Variants in DMD observed in about 807,000 individuals in gnomAD.
DMD encodes dystrophin.
Under a neutral mutation model 330.1 loss-of-function variants are expected in DMD, and 63 were observed. That is an observed-to-expected ratio of 0.19 (90% confidence interval 0.16 to 0.24). The LOEUF (loss-of-function observed/expected upper bound fraction) is 0.24, where lower values mean the gene tolerates loss of function less well. Ranked by LOEUF, DMD falls within the 10% of genes least tolerant of loss-of-function variation. The pLI is 1.00. For missense variants in DMD, 3,344 were observed against 2,684.1 expected, an observed-to-expected ratio of 1.25 and a Z score of -5.43; for synonymous variants, 1,223 against 959.8, an observed-to-expected ratio of 1.27 and a Z score of -5.07.
chrX:31,585,549 G>A (rs1194958267), intron 55 of DMD, among the ~76,000 whole-genome samples: 1 of 101,826 alleles, frequency 9.8e-6, no homozygotes, highest in Non-Finnish European at 2.0e-5. Flanking sequence ...CAACCACAAA[G>A]CTAACCTCAG....
At chrX:31,627,928 TAA>T (rs2078933647) in intron 54 of DMD, 66 bp from the exon 55 acceptor site, 6 of 1,049,566 alleles carry the variant, frequency 5.7e-6, no homozygotes, top group Non-Finnish European at 7.9e-6. Context: ...GTGAACTCCA[TAA>T]AAAGAGAAAG....
chrX:31,562,155 AAAT>A (rs1290429511), intron 55 of DMD, among the ~76,000 whole-genome samples: 2 of 112,419 alleles, frequency 1.8e-5, no homozygotes, highest in Admixed American at 9.4e-5. Context: ...TAACTAGACT[AAAT>A]AATAATTCAT....
intron 62 of DMD, among the ~76,000 whole-genome samples, chrX:31,278,505 C>G (rs1034475007): frequency 1.8e-5 from 2 of 111,261 alleles, no homozygotes; most frequent in East Asian, 2.8e-4. Flanking sequence ...GCCAGCTGTT[C>G]GTTTGGGTGG....
intron 44 of DMD, among the ~76,000 whole-genome samples, chrX:32,163,322 A>G (rs1356007006): frequency 9.0e-6 from 1 of 111,062 alleles, no homozygotes; most frequent in East Asian, 2.8e-4. Context: ...TATTGCAATG[A>G]CTCCCTCTGC....
intron 2 of DMD, among the ~76,000 whole-genome samples, chrX:32,996,363 T>C (rs1010313642): frequency 5.4e-5 from 6 of 111,869 alleles, no homozygotes; most frequent in Non-Finnish European, 1.1e-4. Flanking sequence ...AAAAGTAATA[T>C]AGTACACATT....
chrX:32,918,407 G>A (rs2088059700), intron 2 of DMD, among the ~76,000 whole-genome samples: 1 of 111,484 alleles, frequency 9.0e-6, no homozygotes, highest in South Asian at 3.8e-4. Flanking sequence ...AGATGGTGCA[G>A]TGGTGTGATC....
intron 44 of DMD, among the ~76,000 whole-genome samples, chrX:32,109,210 A>G (rs991271866): frequency 2.7e-5 from 3 of 111,241 alleles, no homozygotes; most frequent in African/African-American, 6.5e-5. Context: ...TCTACACTCA[A>G]TCTATCTGAG....
intron 74 of DMD, among the ~76,000 whole-genome samples, chrX:31,156,176 C>A (rs762821259): frequency 9.0e-6 from 1 of 111,329 alleles, no homozygotes; most frequent in African/African-American, 3.3e-5. Flanking sequence ...TGGCAGGACC[C>A]CTCCAGGCTC....
At chrX:31,657,594 AC>A (rs1026871528) in intron 54 of DMD, among the ~76,000 whole-genome samples, 12 of 111,828 alleles carry the variant, frequency 1.1e-4, no homozygotes, top group Non-Finnish European at 1.7e-4. Flanking sequence ...GAGACCATGT[AC>A]AGCTATAACT....
intron 43 of DMD, among the ~76,000 whole-genome samples, chrX:32,285,953 G>T (rs902711594): frequency 2.5e-4 from 28 of 110,986 alleles, no homozygotes; most frequent in African/African-American, 8.9e-4. Context: ...GCCCGCCTTG[G>T]ACTCCCAAAG....
intron 61 of DMD, among the ~76,000 whole-genome samples, chrX:31,337,894 G>A (rs749081507): frequency 2.7e-5 from 3 of 111,945 alleles, no homozygotes; most frequent in Admixed American, 9.5e-5. Flanking sequence ...GTGGTGGTTA[G>A]TGATCCAGCT....
At chrX:31,556,326 C>T (rs1471182604) in intron 55 of DMD, among the ~76,000 whole-genome samples, 2 of 100,836 alleles carry the variant, frequency 2.0e-5, no homozygotes, top group Non-Finnish European at 4.0e-5. Flanking sequence ...GAGATCACAC[C>T]ACTGCACTCT....
At chrX:32,663,802 C>G (rs971062259) in intron 9 of DMD, among the ~76,000 whole-genome samples, 2 of 111,279 alleles carry the variant, frequency 1.8e-5, no homozygotes, top group Non-Finnish European at 3.8e-5. Context: ...GGGAAAATAT[C>G]ATTGAGAAAA....
At chrX:32,279,679 G>GGC (rs1327294673) in intron 43 of DMD, among the ~76,000 whole-genome samples, 5 of 106,062 alleles carry the variant, frequency 4.7e-5, no homozygotes, top group Non-Finnish European at 7.8e-5. Flanking sequence ...GTAGTGGGGG[G>GGC]GTTGAGGGGG....
rs760495223 is a variant in DMD at position 31,627,731 on chromosome X, C to G, written c.8159G>C (p.Arg2720Pro). 1 of 1,209,457 alleles carries G rather than the reference C, an allele frequency of 8.3e-7. No individual in the cohort carries two copies. Among genetic ancestry groups the G allele is most frequent in the Non-Finnish European group, 1.1e-6 (1 of 895,118 alleles). ...GGAGTCTTCTAGGAGCCTTTCCTTA[C>G]GGGTAGCATCCTGTAGGACATTGGC... ...TTANVLQDAT[R>P]KERLLEDSKG... is the part of the protein sequence containing the mutation. Residue 2720 changes from arginine to proline, a missense_variant, in exon 55 of 79, where the codon CGT becomes CCT. Coordinates refer to ENST00000357033, the MANE Select transcript of DMD (RefSeq NM_004006.3).
chrX:32,867,269 C>A (rs2082590203), intron 2 of DMD, among the ~76,000 whole-genome samples: 1 of 111,323 alleles, frequency 9.0e-6, no homozygotes, highest in African/African-American at 3.3e-5. Flanking sequence ...TCATTATAAG[C>A]TATAATTTCC....
chrX:33,053,742 T>C (rs2094487063), intron 1 of DMD, among the ~76,000 whole-genome samples: 1 of 110,833 alleles, frequency 9.0e-6, no homozygotes, highest in Non-Finnish European at 1.9e-5. Flanking sequence ...TAAACTGGAG[T>C]TAGCTGGGTA....
rs1223885562 is a variant in DMD at position 33,020,122 on chromosome X, T to C, written c.93+17A>G. 8.5e-7 allele frequency: 1 copy of C among 1,170,934 alleles called. No homozygotes were observed. The highest frequency in any genetic ancestry group is 2.2e-5 in the Admixed American group (1 of 44,790). On this transcript the variant is annotated intron_variant, in intron 2 of 78. Coordinates refer to ENST00000357033, the MANE Select transcript of DMD (RefSeq NM_004006.3). ...CACAACTTAGATCTTAAAAGTAAAGTAACAAACCATTCTTACCTTAGAAAA... is the reference window on the plus strand; with the variant it reads ...CACAACTTAGATCTTAAAAGTAAAGCAACAAACCATTCTTACCTTAGAAAA...
chrX:31,543,264 G>A (rs751153935), intron 55 of DMD, among the ~76,000 whole-genome samples: 31 of 111,011 alleles, frequency 2.8e-4, no homozygotes, highest in Non-Finnish European at 4.3e-4. Flanking sequence ...TCCGCCTCCC[G>A]GCTTCAAGTG....
Sources: allele counts gnomAD v4.1 joint callset (sites outside exome capture counted in the v4.1 genomes callset), GRCh38; gene constraint gnomAD v4.1.1; transcripts MANE v1.5; gene names NCBI Gene and HGNC (gene_info 2026-07-23, HGNC 2026-07-21).